Variants in CHST6 observed in about 807,000 individuals in gnomAD.
CHST6 encodes carbohydrate sulfotransferase 6.
For synonymous variants in CHST6, 309 were observed against 276.4 expected, an observed-to-expected ratio of 1.12 and a Z score of -1.17; for missense variants, 698 against 586.2, an observed-to-expected ratio of 1.19 and a Z score of -1.97.
Position 75,479,161 on chromosome 16 carries a change from C to A in CHST6, c.668G>T (p.Gly223Val), listed in dbSNP as rs1237247087. The part of the protein sequence containing the change: ...QTAKALARDN[G>V]IVLGTNGTWV... ...CGTGCCGTTGGTGCCCAGCACGATG[C>A]CGTTGTCACGCGCCAGAGCCTTGGC... Residue 223 changes from glycine (G) to valine (V), a missense_variant, in exon 3 of 3, where the codon GGC becomes GTC. Gly to Val is a moderately radical substitution (Grantham distance 109). Transcript: ENST00000332272. The A allele has an allele frequency of 1.2e-6, 2 of 1,607,576 alleles. No individual in the cohort carries two copies. The highest frequency in any genetic ancestry group is 1.7e-6 in the Non-Finnish European group (2 of 1,178,964).
intron 1 of CHST6, among the ~76,000 whole-genome samples, chr16:75,489,807 T>C (rs1328303919): frequency 3.9e-5 from 6 of 151,994 alleles, no homozygotes. Flanking sequence ...AATAAATAAA[T>C]TTAAGAATGA....
chr16:75,482,742 C>T (rs113964231), intron 1 of CHST6, among the ~76,000 whole-genome samples: 4 of 152,132 alleles, frequency 2.6e-5, no homozygotes, highest in Non-Finnish European at 5.9e-5. Flanking sequence ...TTGCCTGCCC[C>T]CTTCCCCTGT....
intron 1 of CHST6, among the ~76,000 whole-genome samples, chr16:75,488,058 G>C (rs114911205): frequency 0.021 from 3,157 of 152,168 alleles, 116 homozygotes; most frequent in African/African-American, 0.072. Flanking sequence ...CTTGTTACCA[G>C]CCTGTTCCAG....
In CHST6 at chr16:75,478,752, C is replaced by A. The variant is rs772588909; in HGVS notation, c.1077G>T (p.Arg359=). The A allele has an allele frequency of 5.6e-6, 9 of 1,613,554 alleles. No individual in the cohort carries two copies. Among genetic ancestry groups the A allele is most frequent in the Non-Finnish European group, 7.6e-6 (9 of 1,180,020 alleles). Reference sequence around the variant, plus strand: ...GCTGCTCGTCCTCAGAGTACACAGGCCGGTAGCCCAGCAGCTGCAGCGCAC... The same window carrying A: ...GCTGCTCGTCCTCAGAGTACACAGGACGGTAGCCCAGCAGCTGCAGCGCAC... ...CAGALQLLGY[R]PVYSEDEQRN... Residue 359 remains arginine, a synonymous_variant, in exon 3 of 3, where the codon CGG becomes CGT. Transcript: ENST00000332272.
chr16:75,491,230 T>C (rs1452306336), intron 1 of CHST6, among the ~76,000 whole-genome samples: 4 of 124,900 alleles, frequency 3.2e-5, no homozygotes, highest in African/African-American at 1.2e-4. Context: ...AAATATAATA[T>C]ACTTATATAT....
chr16:75,489,693 T>C (rs1259254315), intron 1 of CHST6, among the ~76,000 whole-genome samples: 1 of 151,984 alleles, frequency 6.6e-6, no homozygotes, highest in Non-Finnish European at 1.5e-5. Context: ...GTCTACAGAA[T>C]GGGACTTGTA....
At chr16:75,487,309 G>A (rs1234886944) in intron 1 of CHST6, among the ~76,000 whole-genome samples, 2 of 152,166 alleles carry the variant, frequency 1.3e-5, no homozygotes, top group Non-Finnish European at 2.9e-5. Context: ...TTGAGCTGGA[G>A]CCCAGGAGTC....
chr16:75,491,827 C>A (rs1453580498), intron 1 of CHST6, among the ~76,000 whole-genome samples: 1 of 152,222 alleles, frequency 6.6e-6, no homozygotes, highest in Non-Finnish European at 1.5e-5. Flanking sequence ...CAGGTGCCTG[C>A]AAAACCATCT....
chr16:75,488,663 G>A (rs1051526685), intron 1 of CHST6, among the ~76,000 whole-genome samples: 12 of 151,894 alleles, frequency 7.9e-5, no homozygotes, highest in Non-Finnish European at 1.8e-4. Context: ...AACAGAAAAT[G>A]AGACAAAACA....
chr16:75,488,307 T>C (rs1295206616), intron 1 of CHST6, among the ~76,000 whole-genome samples: 1 of 151,654 alleles, frequency 6.6e-6, no homozygotes, highest in Non-Finnish European at 1.5e-5. Context: ...CTACTAAAAA[T>C]ACAAAAATTA....
chr16:75,487,788 G>C (rs1195898147), intron 1 of CHST6, among the ~76,000 whole-genome samples: 1 of 131,424 alleles, frequency 7.6e-6, no homozygotes. Flanking sequence ...GACAGACAGA[G>C]TGAGACTCCG....
At chr16:75,488,299 A>C (rs1045972727) in intron 1 of CHST6, among the ~76,000 whole-genome samples, 1 of 151,876 alleles carries the variant, frequency 6.6e-6, no homozygotes, top group African/African-American at 2.4e-5. Context: ...CCTCGTCTCT[A>C]CTAAAAATAC....
At chr16:75,487,443 T>C (rs901428756) in intron 1 of CHST6, among the ~76,000 whole-genome samples, 4 of 151,814 alleles carry the variant, frequency 2.6e-5, no homozygotes, top group Non-Finnish European at 5.9e-5. Flanking sequence ...GGCAGGTGGC[T>C]CACCTGAGGT....
At chr16:75,479,977 G>A in intron 2 of CHST6, 133 bp from the exon 3 acceptor site, 1 of 740,768 alleles carries the variant, frequency 1.3e-6, no homozygotes, top group Non-Finnish European at 2.2e-6. Flanking sequence ...TCTCAGTGGG[G>A]AGCTCTCCCG....
At chr16:75,489,659 T>C (rs2151672599) in intron 1 of CHST6, among the ~76,000 whole-genome samples, 1 of 152,102 alleles carries the variant, frequency 6.6e-6, no homozygotes, top group South Asian at 2.1e-4. Flanking sequence ...CACTCACAGA[T>C]GGGAGAAAAC....
Position 75,478,771 on chromosome 16 carries a change from A to C in CHST6, c.1058T>G (p.Leu353Arg). Residue 353 changes from leucine (L) to arginine (R), a missense_variant, in exon 3 of 3, where the codon CTG (leucine) becomes CGG (arginine). Physicochemically the swap from Leu to Arg is moderately radical, Grantham distance 102 (BLOSUM62 -2). Transcript: ENST00000332272. ...CACAGGCCGGTAGCCCAGCAGCTGC[A>C]GCGCACCAGCGCACAGTTCCTGCAC... is the stretch of plus-strand genomic sequence containing the variant. ...RRVQELCAGA[L>R]QLLGYRPVYS... The C allele has an allele frequency of 6.2e-7, 1 of 1,613,480 alleles. No homozygotes were observed. The highest frequency in any genetic ancestry group is 1.1e-5 in the South Asian group (1 of 91,090).
intron 1 of CHST6, among the ~76,000 whole-genome samples, chr16:75,488,939 G>C (rs531792468): frequency 6.6e-6 from 1 of 152,022 alleles, no homozygotes; most frequent in African/African-American, 2.4e-5. Context: ...TGGAAGGTGA[G>C]TGTTCATGGG....
At position 75,472,092 on chromosome 16, in the gene CHST6, C is replaced by T. The variant is rs2080028062; in HGVS notation, c.*6549G>A. 1 of 152,180 alleles carries T rather than the reference C, an allele frequency of 6.6e-6. No individual in the cohort carries two copies. Among genetic ancestry groups the T allele is most frequent in the Non-Finnish European group, 1.5e-5 (1 of 68,036 alleles). 9.4% of individuals were successfully genotyped at this position (152,180 alleles called of 1,614,324 possible). On this transcript the variant is annotated 3_prime_UTR_variant, in exon 3 of 3. Transcript: ENST00000332272. ...TTTTATCACTGTAGCAGGACAAAGT[C>T]GTTTCAACAAGACATAAAATCCACT...
At chr16:75,482,891 C>T (rs2080157809) in intron 1 of CHST6, among the ~76,000 whole-genome samples, 1 of 152,186 alleles carries the variant, frequency 6.6e-6, no homozygotes, top group Non-Finnish European at 1.5e-5. Flanking sequence ...GATCCCACAG[C>T]CACTCTGGGA....
Sources: gnomAD v4.1 joint callset for allele counts (sites outside exome capture counted in the v4.1 genomes callset) on GRCh38, gnomAD v4.1.1 for gene constraint, MANE v1.5 for transcripts, NCBI Gene and HGNC (gene_info 2026-07-23, HGNC 2026-07-21) for gene names.